The following ZNG1F variants were observed in gnomAD, a reference collection of about 807,000 sequenced individuals.
ZNG1F encodes the protein Zn regulated GTPase metalloprotein activator 1F, also known as zinc-regulated GTPase metalloprotein activator 1F.
the ZNG1F span, chr9:41,131,976 C>A: frequency 3.6e-6 from 2 of 554,748 alleles, no homozygotes; most frequent in African/African-American, 2.1e-5. Context: ...GTGATTCCAT[C>A]TTTAACTTTC....
the ZNG1F span, among the ~76,000 whole-genome samples, chr9:41,205,107 C>T: frequency 7.9e-6 from 1 of 126,654 alleles, no homozygotes. Context: ...ACATGCACAG[C>T]TCAGGGATCT....
chr9:41,160,430 GT>G, the ZNG1F span, among the ~76,000 whole-genome samples: 1,196 of 16,652 alleles, frequency 0.072, 110 homozygotes, highest in Non-Finnish European at 0.13. Context: ...TTGTTTGTTT[GT>G]TTTTTTTTTG....
chr9:41,174,812 CA>C, the ZNG1F span, among the ~76,000 whole-genome samples: 3 of 57,344 alleles, frequency 5.2e-5, no homozygotes, highest in African/African-American at 1.6e-4. Context: ...ATCACTTGCC[CA>C]AAAAAAATTT....
chr9:41,183,788 A>T, the ZNG1F span: 2 of 1,516,472 alleles, frequency 1.3e-6, no homozygotes, highest in Non-Finnish European at 1.8e-6. Context: ...TATAACTTAT[A>T]TTCTTTCACT....
the ZNG1F span, among the ~76,000 whole-genome samples, chr9:41,198,409 A>G: frequency 3.5e-5 from 5 of 143,116 alleles, no homozygotes; most frequent in African/African-American, 1.3e-4. Flanking sequence ...TCTCCAAAGG[A>G]AAAAAAAAGA....
At chr9:41,177,620 C>CTCA in the ZNG1F span, 1 of 95,162 alleles carries the variant, frequency 1.1e-5, no homozygotes, top group Non-Finnish European at 2.0e-5. Flanking sequence ...GACTATAATA[C>CTCA]TCACAAATTC....
the ZNG1F span, among the ~76,000 whole-genome samples, chr9:41,195,687 G>A: frequency 1.9e-5 from 2 of 107,650 alleles, no homozygotes; most frequent in East Asian, 2.9e-4. Context: ...CTATATTTTA[G>A]ATACTATAGG....
chr9:41,152,313 A>G, the ZNG1F span, among the ~76,000 whole-genome samples: 1 of 149,082 alleles, frequency 6.7e-6, no homozygotes, highest in Non-Finnish European at 1.5e-5. Flanking sequence ...TATCCTAAAT[A>G]TACATGCACC....
chr9:41,164,853 T>C, the ZNG1F span: 5 of 528,564 alleles, frequency 9.5e-6, no homozygotes, highest in Non-Finnish European at 1.7e-5. Flanking sequence ...TATATAACAA[T>C]TAGCCATCAA....
chr9:41,154,625 C>G, the ZNG1F span, among the ~76,000 whole-genome samples: 2 of 146,504 alleles, frequency 1.4e-5, no homozygotes, highest in African/African-American at 5.1e-5. Context: ...CTACAGTCAC[C>G]AAAACAGCAT....
chr9:41,138,178 TG>T, the ZNG1F span, among the ~76,000 whole-genome samples: 1 of 133,828 alleles, frequency 7.5e-6, no homozygotes, highest in Non-Finnish European at 1.6e-5. Flanking sequence ...CTTGCACTGG[TG>T]GCTTGGTAGT....
the ZNG1F span, among the ~76,000 whole-genome samples, chr9:41,179,018 T>C: frequency 1.4e-5 from 1 of 72,504 alleles, no homozygotes; most frequent in Non-Finnish European, 2.8e-5. Flanking sequence ...TGACTTCAAG[T>C]TGAAGCCAAT....
the ZNG1F span, among the ~76,000 whole-genome samples, chr9:41,198,358 T>C: frequency 2.0e-5 from 3 of 150,008 alleles, no homozygotes; most frequent in African/African-American, 7.4e-5. Context: ...GCCAAGATCA[T>C]GCCATTGCAT....
At chr9:41,149,695 T>G in the ZNG1F span, among the ~76,000 whole-genome samples, 67 of 150,606 alleles carry the variant, frequency 4.4e-4, no homozygotes, top group African/African-American at 1.6e-3. Flanking sequence ...GGGAAGCTGC[T>G]ATTCAAGGGG....
chr9:41,174,359 A>T, the ZNG1F span: 22 of 1,607,160 alleles, frequency 1.4e-5, no homozygotes, highest in East Asian at 4.7e-4. Flanking sequence ...GCACGTGAAA[A>T]TATATAATAT....
the ZNG1F span, chr9:41,145,551 T>C: frequency 3.8e-4 from 221 of 584,866 alleles, 8 homozygotes; most frequent in East Asian, 6.2e-3. Context: ...TTCATATATA[T>C]ACATATGCAC....
At chr9:41,184,856 A>T in the ZNG1F span, among the ~76,000 whole-genome samples, 17,857 of 107,392 alleles carry the variant, frequency 0.17, 2,003 homozygotes, top group African/African-American at 0.28. Context: ...ATTTAATAAG[A>T]TGATGAAAAA....
chr9:41,192,619 A>ACAGCG, the ZNG1F span, among the ~76,000 whole-genome samples: 1 of 116,676 alleles, frequency 8.6e-6, no homozygotes, highest in South Asian at 3.4e-4. Flanking sequence ...GATTACAGGT[A>ACAGCG]TGCACCACCA....
At chr9:41,200,885 C>G in the ZNG1F span, among the ~76,000 whole-genome samples, 191 of 148,926 alleles carry the variant, frequency 1.3e-3, no homozygotes, top group African/African-American at 4.5e-3. Context: ...AAGACCTGCC[C>G]CCATAATTCA....
Sources: gnomAD v4.1 joint callset for allele counts (sites outside exome capture counted in the v4.1 genomes callset) on GRCh38, gnomAD v4.1.1 for gene constraint, MANE v1.5 for transcripts, NCBI Gene and HGNC (gene_info 2026-07-23, HGNC 2026-07-21) for gene names.